PRIM1: variants seen among roughly 807,000 people sequenced by gnomAD.
PRIM1 encodes DNA primase small subunit.
In PRIM1, 38 loss-of-function variants were observed where a neutral mutation model predicts 60.2. The ratio of observed to expected loss-of-function variants is 0.63; its 90% confidence interval spans 0.49 to 0.83. PRIM1 has a LOEUF of 0.83. Among genes scored for constraint, PRIM1 ranks in the 40% least tolerant of loss-of-function variants. The pLI is 0.00. For synonymous variants in PRIM1, 158 were observed against 160.2 expected, an observed-to-expected ratio of 0.99 and a Z score of 0.10; for missense variants, 388 against 506.2, an observed-to-expected ratio of 0.77 and a Z score of 2.24.
intron 4 of PRIM1, 120 bp downstream of exon 4, chr12:56,746,661 C>T: frequency 3.7e-6 from 3 of 816,144 alleles, no homozygotes; most frequent in Non-Finnish European, 2.0e-6. Flanking sequence ...CACACACACA[C>T]ACACACACAC....
At chr12:56,748,985 TG>T (rs898468789) in intron 2 of PRIM1, among the ~76,000 whole-genome samples, 1 of 149,744 alleles carries the variant, frequency 6.7e-6, no homozygotes, top group African/African-American at 2.4e-5. Context: ...TAGTTGCTTC[TG>T]GGTAGCAAAA....
Position 56,739,280 on chromosome 12 carries a change from G to A in PRIM1, c.1052+14C>T. ...CAATTACAAACAAGGAGTGATCAAT[G>A]ATCTGAAACATACCTTATGGTCGGA... is the stretch of plus-strand genomic sequence containing the variant. On this transcript the variant is annotated intron_variant, in intron 10 of 12. Transcript: ENST00000338193. 1 of 1,514,422 alleles carries A rather than the reference G, an allele frequency of 6.6e-7. No homozygotes were observed. The highest frequency in any genetic ancestry group is 9.0e-7 in the Non-Finnish European group (1 of 1,115,070). 93.8% of individuals were successfully genotyped at this position (1,514,422 alleles called of 1,614,324 possible). A position where few individuals can be genotyped will look rare whatever the true frequency, so the allele number is the denominator to read the frequency against.
chr12:56,751,312 C>T, intron 1 of PRIM1, 117 bp from the exon 2 acceptor site: 2 of 718,400 alleles, frequency 2.8e-6, no homozygotes, highest in Non-Finnish European at 4.3e-6. Context: ...TTGCTTCCTG[C>T]TCTGTCGCCC....
At chr12:56,744,980 G>A (rs1953896664) in intron 5 of PRIM1, among the ~76,000 whole-genome samples, 1 of 151,960 alleles carries the variant, frequency 6.6e-6, no homozygotes, top group South Asian at 2.1e-4. Context: ...GGTGGCAAGT[G>A]CCTGTAATCC....
intron 2 of PRIM1, among the ~76,000 whole-genome samples, chr12:56,749,737 C>T (rs1012708648): frequency 6.6e-6 from 1 of 152,080 alleles, no homozygotes; most frequent in Non-Finnish European, 1.5e-5. Context: ...GGCCTGTTTC[C>T]TCCTTTGTAA....
chr12:56,746,482 T>A lies in PRIM1; in HGVS notation c.442+299A>T, dbSNP rs1054222866. ...GCTGCCTCTACTAAAAATACAAAAA[T>A]TAACTGGGCGTGGTGGCGTGCGCCT... On this transcript the variant is annotated intron_variant, in intron 4 of 12. Transcript: ENST00000338193. The A allele has an allele frequency of 2.0e-5, 11 of 561,580 alleles. 1 individual carries two copies. The highest frequency in any genetic ancestry group is 7.5e-5 in the African/African-American group (4 of 53,076). 34.8% of individuals were successfully genotyped at this position (561,580 alleles called of 1,614,324 possible).
At position 56,745,951 on chromosome 12, in the gene PRIM1, A is replaced by C. The variant is rs11171963; in HGVS notation, c.579+94T>G. The C allele has an allele frequency of 6.4e-3, 8,682 of 1,347,518 alleles. 475 individuals carry two copies. The African/African-American group carries it at 0.11, about 18-fold the overall frequency. The allele number at this position is 1,347,518 out of a possible 1,614,324, so 83.5% of individuals were successfully genotyped here. A position where few individuals can be genotyped will look rare whatever the true frequency, so the allele number is the denominator to read the frequency against. ...GAGAGTCCATCTCAAAAAAAAAAAA[A>C]AAAGATAGTTTCATTTTCTTTGACA... On this transcript the variant is annotated intron_variant, in intron 5 of 12. Transcript: ENST00000338193.
At chr12:56,751,587 G>C (rs1176739458) in intron 1 of PRIM1, 1 of 155,668 alleles carries the variant, frequency 6.4e-6, no homozygotes, top group African/African-American at 2.4e-5. Flanking sequence ...CACTCGGCCC[G>C]AGAAGATGTT....
intron 5 of PRIM1, among the ~76,000 whole-genome samples, chr12:56,745,409 TCAAAACAAAA>T (rs901846019): frequency 2.3e-4 from 34 of 150,360 alleles, no homozygotes; most frequent in Non-Finnish European, 8.9e-5. Context: ...AGACCGTGTC[TCAAAACAAAA>T]CAAAACAAAA....
intron 1 of PRIM1, 24 bp downstream of exon 1, chr12:56,752,172 G>A: frequency 1.3e-6 from 2 of 1,525,444 alleles, no homozygotes; most frequent in Non-Finnish European, 1.8e-6. Flanking sequence ...CTCCGCTCCC[G>A]AACCCATTCC....
intron 9 of PRIM1, among the ~76,000 whole-genome samples, chr12:56,740,589 GGGCAACAT>G (rs1431608567): frequency 6.6e-6 from 1 of 151,988 alleles, no homozygotes; most frequent in East Asian, 1.9e-4. Context: ...AGACCAACCT[GGGCAACAT>G]GGCAAAACCC....
chr12:56,741,849 T>C lies in PRIM1; in HGVS notation c.749-12A>G, dbSNP rs1953874680. The stretch of plus-strand genomic sequence containing the variant: ...TTCATCATGAATTGGTGATGGGTCA[T>C]TAAGGAACAGACTCATTTAGGGAAC... On this transcript the variant is annotated splice_polypyrimidine_tract_variant and intron_variant, in intron 7 of 12. Coordinates refer to ENST00000338193, the MANE Select transcript of PRIM1 (RefSeq NM_000946.3). 7 of 1,610,602 alleles carry C rather than the reference T, an allele frequency of 4.3e-6. No individual in the cohort carries two copies. Among genetic ancestry groups the C allele is most frequent in the Non-Finnish European group, 5.9e-6 (7 of 1,176,962 alleles).
chr12:56,733,261 G>T (rs1953797506), intron 12 of PRIM1, among the ~76,000 whole-genome samples: 1 of 150,724 alleles, frequency 6.6e-6, no homozygotes, highest in African/African-American at 2.4e-5. Flanking sequence ...GGGTTCAAGT[G>T]ATTCTCCTGC....
At chr12:56,745,716 A>G (rs1592334821) in intron 5 of PRIM1, among the ~76,000 whole-genome samples, 1 of 152,234 alleles carries the variant, frequency 6.6e-6, no homozygotes, top group East Asian at 1.9e-4. Context: ...AGGTGGGTGA[A>G]TCACCTGAGG....
chr12:56,745,954 A>G, intron 5 of PRIM1, 91 bp downstream of exon 5: 4 of 1,247,304 alleles, frequency 3.2e-6, no homozygotes, highest in Non-Finnish European at 3.3e-6. Context: ...AAAAAAAAAA[A>G]GATAGTTTCA....
chr12:56,735,428 T>A (rs1377862873), intron 11 of PRIM1, among the ~76,000 whole-genome samples: 1 of 151,962 alleles, frequency 6.6e-6, no homozygotes, highest in East Asian at 1.9e-4. Flanking sequence ...ACTGTCTTGC[T>A]TTTTTGCCCA....
At chr12:56,747,784 T>G (rs1592335614) in intron 2 of PRIM1, among the ~76,000 whole-genome samples, 3 of 152,198 alleles carry the variant, frequency 2.0e-5, no homozygotes, top group Admixed American at 2.0e-4. Context: ...CCATAAGTTT[T>G]TATAACTGTA....
chr12:56,739,197 T>C (rs1458038579), intron 10 of PRIM1, 97 bp downstream of exon 10: 3 of 914,876 alleles, frequency 3.3e-6, no homozygotes, highest in Non-Finnish European at 4.6e-6. Flanking sequence ...AAATATACCA[T>C]TCCCATGCAA....
rs147513860 is a variant in PRIM1 at position 56,741,307 on chromosome 12, G to A, written c.982+128C>T. On this transcript the variant is annotated intron_variant, in intron 9 of 12. Transcript: ENST00000338193. ...TAGCTACTTAACTGACTTAGGTATT[G>A]GGTGACAGAGCAATTCTTCTACCTT... 251 of 1,020,172 alleles carry A rather than the reference G, an allele frequency of 2.5e-4. No homozygotes were observed. The African/African-American group carries it at 3.7e-3, about 15-fold the overall frequency. 63.2% of individuals were successfully genotyped at this position (1,020,172 alleles called of 1,614,324 possible). A position where few individuals can be genotyped will look rare whatever the true frequency, so the allele number is the denominator to read the frequency against.
Sources: gnomAD v4.1 joint callset for allele counts (sites outside exome capture counted in the v4.1 genomes callset) on GRCh38, gnomAD v4.1.1 for gene constraint, MANE v1.5 for transcripts, NCBI Gene and HGNC (gene_info 2026-07-23, HGNC 2026-07-21) for gene names.